ARL3: variants seen among roughly 807,000 people sequenced by gnomAD.
ARL3 encodes ADP-ribosylation factor-like protein 3.
In ARL3, 9 loss-of-function variants were observed where a neutral mutation model predicts 26.0. The ratio of observed to expected loss-of-function variants is 0.35; its 90% CI spans 0.21 to 0.60. The LOEUF (loss-of-function observed/expected upper bound fraction) is 0.60. Ranked by LOEUF, ARL3 falls within the 20% of genes least tolerant of loss-of-function variation. The pLI, the probability that ARL3 is intolerant of heterozygous loss-of-function variation, is 0.78. For synonymous variants in ARL3, 71 were observed against 78.4 expected, an observed-to-expected ratio of 0.91 and a Z score of 0.50; for missense variants, 158 against 215.7, an observed-to-expected ratio of 0.73 and a Z score of 1.67.
chr10:102,711,819 G>A (rs2064342978), intron 1 of ARL3, among the ~76,000 whole-genome samples: 1 of 152,160 alleles, frequency 6.6e-6, no homozygotes, highest in Non-Finnish European at 1.5e-5. Context: ...ATGATGCTAT[G>A]AGGATGAAAT....
intron 5 of ARL3, among the ~76,000 whole-genome samples, chr10:102,679,457 G>T (rs1049240444): frequency 6.6e-6 from 1 of 152,206 alleles, no homozygotes; most frequent in Non-Finnish European, 1.5e-5. Context: ...TATCACAGCT[G>T]AGGAGATGAA....
At chr10:102,706,512 C>T (rs1405657423) in intron 1 of ARL3, among the ~76,000 whole-genome samples, 2 of 152,110 alleles carry the variant, frequency 1.3e-5, no homozygotes, top group African/African-American at 4.8e-5. Context: ...AAATGTTCTA[C>T]TATCATCTTT....
At chr10:102,709,495 A>T (rs2064326882) in intron 1 of ARL3, among the ~76,000 whole-genome samples, 1 of 151,330 alleles carries the variant, frequency 6.6e-6, no homozygotes, top group South Asian at 2.1e-4. Flanking sequence ...AAAAAAAAAA[A>T]AATTATCCAG....
Position 102,714,261 on chromosome 10 carries a change from C to T in ARL3, c.3+12G>A. ...CGGCCGGCTCCAAGGGGGCCCAGGCCCCCACACTCACCATCCTCCCGCCGA... is the reference window on the plus strand; with the variant it reads ...CGGCCGGCTCCAAGGGGGCCCAGGCTCCCACACTCACCATCCTCCCGCCGA... On this transcript the variant is annotated intron_variant, in intron 1 of 5. Coordinates refer to ENST00000260746, the MANE Select transcript of ARL3 (RefSeq NM_004311.4). The T allele has an allele frequency of 7.6e-7, 1 of 1,313,872 alleles. No homozygotes were observed. The highest frequency in any genetic ancestry group is 3.1e-5 in the South Asian group (1 of 31,782). The allele number at this position is 1,313,872 out of a possible 1,614,324, so 81.4% of individuals were successfully genotyped here.
chr10:102,682,982 C>A (rs2064163862), intron 5 of ARL3, among the ~76,000 whole-genome samples: 1 of 152,160 alleles, frequency 6.6e-6, no homozygotes, highest in Non-Finnish European at 1.5e-5. Flanking sequence ...GAAAGTGAAC[C>A]TCAAACCATT....
intron 2 of ARL3, among the ~76,000 whole-genome samples, chr10:102,704,777 G>A (rs959792226): frequency 2.0e-5 from 3 of 151,896 alleles, no homozygotes; most frequent in African/African-American, 7.3e-5. Context: ...AACATAACAC[G>A]TACAATATGC....
chr10:102,701,139 A>C (rs1027477974), intron 2 of ARL3, among the ~76,000 whole-genome samples: 1 of 152,206 alleles, frequency 6.6e-6, no homozygotes, highest in African/African-American at 2.4e-5. Context: ...TGTGGAAAGA[A>C]ACAAATTAAC....
At chr10:102,704,174 A>AG in intron 2 of ARL3, among the ~76,000 whole-genome samples, 2 of 149,380 alleles carry the variant, frequency 1.3e-5, no homozygotes, top group Non-Finnish European at 3.0e-5. Context: ...AAAAAAAAAA[A>AG]GGCAGGTAAT....
chr10:102,708,908 A>ATATT, intron 1 of ARL3, among the ~76,000 whole-genome samples: 29 of 95,312 alleles, frequency 3.0e-4, no homozygotes, highest in African/African-American at 8.0e-4. Context: ...ATATATATAT[A>ATATT]TTTTTTTTTT....
chr10:102,676,967 G>A (rs760490141), intron 5 of ARL3, 26 bp from the exon 6 acceptor site: 2 of 1,612,696 alleles, frequency 1.2e-6, no homozygotes, highest in Non-Finnish European at 8.5e-7. Context: ...GCAGAGAAAG[G>A]CAGTGTTAGT....
chr10:102,683,530 T>C (rs1025118742), intron 5 of ARL3, among the ~76,000 whole-genome samples: 11 of 152,364 alleles, frequency 7.2e-5, no homozygotes, highest in African/African-American at 2.6e-4. Flanking sequence ...AGTTTTTTGT[T>C]GGATCTCTCT....
At chr10:102,699,621 A>C (rs2064268348) in intron 2 of ARL3, 132 bp from the exon 3 acceptor site, 1 of 598,532 alleles carries the variant, frequency 1.7e-6, no homozygotes, top group African/African-American at 1.9e-5. Flanking sequence ...AATGCTGAAA[A>C]TGATTTGTTG....
At position 102,676,532 on chromosome 10, in the gene ARL3, CTTTTTCTT is replaced by C; in HGVS notation, c.*354_*361del. The C allele has an allele frequency of 5.8e-6, 1 of 171,446 alleles. No homozygotes were observed. Among genetic ancestry groups the C allele is most frequent in the South Asian group, 1.1e-4 (1 of 9,230 alleles). 10.6% of individuals were successfully genotyped at this position (171,446 alleles called of 1,614,324 possible). A position where few individuals can be genotyped will look rare whatever the true frequency, so the allele number is the denominator to read the frequency against. On this transcript the variant is annotated 3_prime_UTR_variant, in exon 6 of 6. Coordinates refer to ENST00000260746, the MANE Select transcript of ARL3 (RefSeq NM_004311.4). ...AGCAAAGCTGCTTCTTCCTCTTTTT[CTTTTTCTT>C]TTTTTTTTTTTGAGAGGAAAAAAAA...
intron 3 of ARL3, among the ~76,000 whole-genome samples, chr10:102,698,807 G>A (rs1208756519): frequency 6.6e-6 from 1 of 152,164 alleles, no homozygotes; most frequent in Non-Finnish European, 1.5e-5. Context: ...TGTAATTATA[G>A]GAAACTTCTT....
chr10:102,708,908 A>ATATATATATATATATATAT, intron 1 of ARL3, among the ~76,000 whole-genome samples: 10 of 95,326 alleles, frequency 1.0e-4, no homozygotes, highest in African/African-American at 3.8e-4. Context: ...ATATATATAT[A>ATATATATATATATATATAT]TTTTTTTTTT....
rs1402997365 is a variant in ARL3 at position 102,705,453 on chromosome 10, G to C, written c.40C>G (p.Pro14Ala). 2 of 1,605,782 alleles carry C rather than the reference G, an allele frequency of 1.2e-6. No individual in the cohort carries two copies. The highest frequency in any genetic ancestry group is 1.7e-6 in the Non-Finnish European group (2 of 1,173,302). The change falls in exon 2 of 6, where the codon CCA becomes GCA. Residue 14 changes from proline (P) to alanine (A), a missense_variant. Physicochemically the swap from Pro to Ala is conservative, Grantham distance 27. Coordinates refer to ENST00000260746, the MANE Select transcript of ARL3 (RefSeq NM_004311.4). ...LSILRKLKSAPDQEVRILLLG... is the reference protein window; with the variant it reads ...LSILRKLKSAADQEVRILLLG... ...AGAAGTATTCTCACCTCCTGGTCTG[G>C]TGCACTTTTCAACTTGCGCAAAATT...
chr10:102,684,970 G>A (rs1268307140), intron 5 of ARL3, among the ~76,000 whole-genome samples: 3 of 150,734 alleles, frequency 2.0e-5, no homozygotes, highest in South Asian at 2.1e-4. Flanking sequence ...AGCCAGGGCC[G>A]GGCAGGGTGG....
rs1204452232 is a variant in ARL3, at chr10:102,675,993, C to T, written c.*901G>A. The stretch of plus-strand genomic sequence containing the variant: ...TTAGAAATCCTGTCTATAGGACGGC[C>T]GTGGAGAAGCCAGCTAATCTCAGAG... On this transcript the variant is annotated 3_prime_UTR_variant, in exon 6 of 6. Transcript: ENST00000260746. The T allele has an allele frequency of 5.9e-5, 9 of 152,588 alleles. No individual in the cohort carries two copies. Among genetic ancestry groups the T allele is most frequent in the African/African-American group, 1.9e-4 (8 of 41,424 alleles). The allele number at this position is 152,588 out of a possible 1,614,324, so 9.5% of individuals were successfully genotyped here. A position where few individuals can be genotyped will look rare whatever the true frequency, so the allele number is the denominator to read the frequency against.
At chr10:102,690,440 T>C (rs1021626184) in intron 3 of ARL3, among the ~76,000 whole-genome samples, 3 of 151,754 alleles carry the variant, frequency 2.0e-5, no homozygotes, top group African/African-American at 7.3e-5. Context: ...CACGCCACCA[T>C]GCCCAGCTAA....
Sources: gnomAD v4.1 joint callset for allele counts (sites outside exome capture counted in the v4.1 genomes callset) on GRCh38, gnomAD v4.1.1 for gene constraint, MANE v1.5 for transcripts, NCBI Gene and HGNC (gene_info 2026-07-23, HGNC 2026-07-21) for gene names.